The following SLC24A3 variants were observed in gnomAD, a reference collection of about 807,000 sequenced individuals.
The protein encoded by SLC24A3 is solute carrier family 24 member 3.
A neutral mutation model predicts 75.8 loss-of-function variants in SLC24A3; 28 were observed. That is an observed-to-expected ratio of 0.37 (90% confidence interval 0.27 to 0.51). SLC24A3 has a LOEUF of 0.51. SLC24A3 is among the 20% of genes least tolerant of loss of function. The pLI, the probability that SLC24A3 is intolerant of heterozygous loss-of-function variation, is 0.94. For missense variants in SLC24A3, 663 were observed against 847.8 expected (o/e 0.78, Z 2.71); for synonymous variants, 372 against 334.1 (o/e 1.11, Z -1.24).
chr20:19,527,171 G>A (rs1412317694), intron 3 of SLC24A3, among the ~76,000 whole-genome samples: 2 of 152,068 alleles, frequency 1.3e-5, no homozygotes, highest in Non-Finnish European at 2.9e-5. Flanking sequence ...AAGGAAGAGT[G>A]GGACTTTACA....
At chr20:19,399,521 T>C (rs1458728675) in intron 2 of SLC24A3, among the ~76,000 whole-genome samples, 2 of 152,258 alleles carry the variant, frequency 1.3e-5, no homozygotes, top group African/African-American at 4.8e-5. Context: ...TAGAAATATA[T>C]TATTTGTTTC....
At chr20:19,629,929 C>T (rs1428814095) in intron 6 of SLC24A3, among the ~76,000 whole-genome samples, 1 of 152,140 alleles carries the variant, frequency 6.6e-6, no homozygotes, top group Non-Finnish European at 1.5e-5. Flanking sequence ...CAAAAGGATT[C>T]TAGAAAGCCA....
At chr20:19,436,553 A>G (rs368528036) in intron 2 of SLC24A3, among the ~76,000 whole-genome samples, 2 of 152,322 alleles carry the variant, frequency 1.3e-5, no homozygotes, top group East Asian at 1.9e-4. Flanking sequence ...AGACAGCACT[A>G]GAGCAAAGGA....
chr20:19,719,813 C>T (rs2033084451), intron 16 of SLC24A3, among the ~76,000 whole-genome samples: 1 of 152,152 alleles, frequency 6.6e-6, no homozygotes, highest in Admixed American at 6.5e-5. Flanking sequence ...CAAGGACAAC[C>T]AAGCAAGAGA....
chr20:19,442,220 C>T (rs904512493), intron 2 of SLC24A3, among the ~76,000 whole-genome samples: 1 of 152,160 alleles, frequency 6.6e-6, no homozygotes, highest in Non-Finnish European at 1.5e-5. Flanking sequence ...AGGTAAATAT[C>T]AAGGAACACA....
At chr20:19,545,383 G>A (rs2030571829) in intron 3 of SLC24A3, among the ~76,000 whole-genome samples, 1 of 152,240 alleles carries the variant, frequency 6.6e-6, no homozygotes, top group Admixed American at 6.5e-5. Context: ...TCCCCCTGGA[G>A]TCAGCTGGCC....
intron 8 of SLC24A3, among the ~76,000 whole-genome samples, chr20:19,673,038 C>T (rs2032486538): frequency 6.6e-6 from 1 of 152,220 alleles, no homozygotes. Flanking sequence ...AAGCTCAAGG[C>T]ACATTCTAGC....
intron 6 of SLC24A3, among the ~76,000 whole-genome samples, chr20:19,590,304 G>A (rs756692087): frequency 2.0e-5 from 3 of 151,852 alleles, no homozygotes; most frequent in African/African-American, 4.8e-5. Flanking sequence ...TAAACACAGC[G>A]GGACACCCAC....
chr20:19,396,376 A>G lies in SLC24A3; in HGVS notation c.271+115289A>G, dbSNP rs557622355. On this transcript the variant is annotated intron_variant, in intron 2 of 16. Transcript: ENST00000328041. The stretch of plus-strand genomic sequence containing the variant: ...TTGACTTGAATAATTTATTTTACCC[A>G]TTTTAGTATTGAGATAGTATCATCA... Among the ~76,000 whole-genome samples the G allele has an allele frequency of 3.3e-5, 5 of 152,382 alleles. No homozygotes were observed. In the South Asian group the frequency reaches 8.3e-4, roughly 25 times the overall value.
intron 6 of SLC24A3, among the ~76,000 whole-genome samples, chr20:19,597,243 C>T (rs1451832930): frequency 6.6e-6 from 1 of 151,942 alleles, no homozygotes; most frequent in East Asian, 1.9e-4. Flanking sequence ...AAGAATTAGC[C>T]AGGTGTGGTA....
At chr20:19,514,180 A>G (rs894411133) in intron 2 of SLC24A3, among the ~76,000 whole-genome samples, 1 of 152,206 alleles carries the variant, frequency 6.6e-6, no homozygotes, top group Non-Finnish European at 1.5e-5. Context: ...CGGGCAAGCC[A>G]GGGGTCCCCA....
rs2033070038 is a variant in SLC24A3, at chr20:19,718,888, G to A, written c.1785+1295G>A. On this transcript the variant is annotated intron_variant, in intron 16 of 16. Coordinates refer to ENST00000328041, the MANE Select transcript of SLC24A3 (RefSeq NM_020689.4). ...GATGGTATTTAAAGCCCTGCAGTTG[G>A]GAGAGATCTCCAAGGGAATGAGTGT... 4.6e-5 allele frequency among the ~76,000 whole-genome samples: 7 copies of A among 151,108 alleles called. No individual in the cohort carries two copies. The South Asian group carries it at 1.3e-3, about 27-fold the overall frequency.
At chr20:19,705,728 G>A (rs576090834) in intron 15 of SLC24A3, among the ~76,000 whole-genome samples, 1 of 152,054 alleles carries the variant, frequency 6.6e-6, no homozygotes, top group South Asian at 2.1e-4. Flanking sequence ...ATCTAGATGG[G>A]ATTTCCAAGT....
chr20:19,573,106 G>C (rs1417199468), intron 3 of SLC24A3, among the ~76,000 whole-genome samples: 1 of 152,130 alleles, frequency 6.6e-6, no homozygotes, highest in Non-Finnish European at 1.5e-5. Context: ...CAGAGAGACA[G>C]GAGTGCAGAT....
At chr20:19,679,272 T>G (rs2032577478) in intron 9 of SLC24A3, among the ~76,000 whole-genome samples, 2 of 152,154 alleles carry the variant, frequency 1.3e-5, no homozygotes, top group Admixed American at 6.5e-5. Context: ...AGGCCGAGGC[T>G]GGCGGATCAC....
chr20:19,336,148 C>T (rs771232204), intron 2 of SLC24A3, among the ~76,000 whole-genome samples: 34 of 152,208 alleles, frequency 2.2e-4, no homozygotes, highest in Non-Finnish European at 7.3e-5. Flanking sequence ...AGGGCACCAG[C>T]ATTACTGTGT....
chr20:19,402,464 C>G (rs1986568583), intron 2 of SLC24A3, among the ~76,000 whole-genome samples: 1 of 152,140 alleles, frequency 6.6e-6, no homozygotes, highest in South Asian at 2.1e-4. Context: ...TCACTGCAGA[C>G]TCTGTGTAGT....
At chr20:19,563,529 C>T (rs2030910777) in intron 3 of SLC24A3, among the ~76,000 whole-genome samples, 1 of 152,106 alleles carries the variant, frequency 6.6e-6, no homozygotes, top group South Asian at 2.1e-4. Context: ...TTAGTTTTCT[C>T]CTCCCTCCTC....
chr20:19,618,205 C>T (rs1431063544), intron 6 of SLC24A3, among the ~76,000 whole-genome samples: 5 of 152,174 alleles, frequency 3.3e-5, no homozygotes, highest in Middle Eastern at 3.2e-3. Flanking sequence ...CTGTCTACAT[C>T]CAGGTTCCAA....
Sources: gnomAD v4.1 joint callset for allele counts (sites outside exome capture counted in the v4.1 genomes callset) on GRCh38, gnomAD v4.1.1 for gene constraint, MANE v1.5 for transcripts, NCBI Gene and HGNC (gene_info 2026-07-23, HGNC 2026-07-21) for gene names.